Variants in PPP2R3A observed in about 807,000 individuals in gnomAD.
PPP2R3A encodes serine/threonine-protein phosphatase 2A regulatory subunit B'' subunit alpha.
A neutral mutation model predicts 106.9 loss-of-function variants in PPP2R3A; 80 were observed. The ratio of observed to expected loss-of-function variants is 0.75; its 90% confidence interval spans 0.62 to 0.90. The LOEUF is 0.90. Ranked by LOEUF, PPP2R3A falls within the 40% of genes least tolerant of loss-of-function variation. The pLI, the probability that PPP2R3A is intolerant of heterozygous loss-of-function variation, is 0.00. For synonymous variants in PPP2R3A, 483 were observed against 468.3 expected (o/e 1.03, Z -0.41); for missense variants, 1,386 against 1,350.4 (o/e 1.03, Z -0.41).
intron 1 of PPP2R3A, among the ~76,000 whole-genome samples, chr3:135,970,435 T>G (rs1208444501): frequency 6.6e-6 from 1 of 152,228 alleles, no homozygotes; most frequent in Middle Eastern, 3.2e-3. Context: ...TAAACAATAT[T>G]TGGTTTTTGT....
At position 136,081,181 on chromosome 3, in the gene PPP2R3A, C is replaced by T. The variant is rs919218296; in HGVS notation, c.2632-1084C>T. The stretch of plus-strand genomic sequence containing the variant: ...CTAATATTTGTATTTATAGTAGAGA[C>T]GGGGTTTCACCATCTTGGCCAGGCT... On this transcript the variant is annotated intron_variant, in intron 7 of 13. Transcript: ENST00000264977. Among the ~76,000 whole-genome samples, 41 of 151,962 alleles carry T rather than the reference C, an allele frequency of 2.7e-4. No individual in the cohort carries two copies. In the Middle Eastern group the frequency reaches 0.017, roughly 63 times the overall value.
intron 1 of PPP2R3A, among the ~76,000 whole-genome samples, chr3:135,983,106 C>G (rs1937560833): frequency 6.6e-6 from 1 of 152,082 alleles, no homozygotes; most frequent in South Asian, 2.1e-4. Context: ...AAGCCATATC[C>G]AGGGCAGGAG....
intron 10 of PPP2R3A, among the ~76,000 whole-genome samples, chr3:136,091,607 G>A (rs1937096227): frequency 6.6e-6 from 1 of 152,070 alleles, no homozygotes; most frequent in Non-Finnish European, 1.5e-5. Context: ...TAGTGAGCAG[G>A]ACACCAACTC....
At chr3:136,104,573 T>C (rs777370878) in intron 12 of PPP2R3A, among the ~76,000 whole-genome samples, 16 of 152,204 alleles carry the variant, frequency 1.1e-4, no homozygotes, top group Non-Finnish European at 2.4e-4. Context: ...CCCAAAGTGC[T>C]GGGATTACAG....
intron 13 of PPP2R3A, among the ~76,000 whole-genome samples, chr3:136,135,886 AAGTT>A (rs962832622): frequency 1.3e-5 from 2 of 151,334 alleles, no homozygotes; most frequent in Non-Finnish European, 2.9e-5. Flanking sequence ...TCTCTACTAA[AAGTT>A]AGCTGGGCGT....
intron 1 of PPP2R3A, among the ~76,000 whole-genome samples, chr3:135,980,871 T>G (rs67709813): frequency 0.066 from 9,962 of 151,958 alleles, 492 homozygotes; most frequent in Non-Finnish European, 0.1. Context: ...GAGCTGTTCT[T>G]GCATAGCACA....
rs1335957443 is a variant in PPP2R3A at position 136,145,921 on chromosome 3, T to A, written c.*755T>A. The A allele has an allele frequency of 6.6e-6, 1 of 152,250 alleles. No individual in the cohort carries two copies. The highest frequency in any genetic ancestry group is 1.5e-5 in the Non-Finnish European group (1 of 68,032). 9.4% of individuals were successfully genotyped at this position (152,250 alleles called of 1,614,324 possible). A position where few individuals can be genotyped will look rare whatever the true frequency, so the allele number is the denominator to read the frequency against. On this transcript the variant is annotated 3_prime_UTR_variant, in exon 14 of 14. Transcript: ENST00000264977. ...AAGCCCTTTTAACTTTTATCTTTTA[T>A]TCATTGAACTATTGAATGATGTATT...
At chr3:136,009,115 A>G (rs1933954075) in intron 2 of PPP2R3A, among the ~76,000 whole-genome samples, 1 of 152,002 alleles carries the variant, frequency 6.6e-6, no homozygotes, top group South Asian at 2.1e-4. Context: ...CCTATGTCAT[A>G]TCTCTTCTCT....
chr3:136,105,303 A>G (rs1006863483), intron 12 of PPP2R3A, among the ~76,000 whole-genome samples: 1 of 152,166 alleles, frequency 6.6e-6, no homozygotes, highest in Non-Finnish European at 1.5e-5. Flanking sequence ...AGGAGAGGGG[A>G]CCAGAGAAAT....
intron 13 of PPP2R3A, among the ~76,000 whole-genome samples, chr3:136,138,695 ATTTTTTTTTTTTTTTTTT>A (rs747811648): frequency 5.5e-4 from 28 of 50,640 alleles, no homozygotes; most frequent in South Asian, 1.1e-3. Flanking sequence ...GAAATATTGA[ATTTTTTTTTTTTTTTTTT>A]TTTTTTTTTT....
At chr3:136,122,625 C>T (rs183091323) in intron 13 of PPP2R3A, among the ~76,000 whole-genome samples, 47 of 152,234 alleles carry the variant, frequency 3.1e-4, no homozygotes, top group East Asian at 1.2e-3. Context: ...AACACTTCTA[C>T]GTAAACAACA....
chr3:135,997,236 T>A (rs1300496098), intron 1 of PPP2R3A, among the ~76,000 whole-genome samples: 1 of 152,212 alleles, frequency 6.6e-6, no homozygotes, highest in Non-Finnish European at 1.5e-5. Context: ...AAATTGCACG[T>A]GATAAGGATA....
At chr3:135,969,140 A>G (rs1414523046) in intron 1 of PPP2R3A, among the ~76,000 whole-genome samples, 4 of 152,204 alleles carry the variant, frequency 2.6e-5, no homozygotes, top group Non-Finnish European at 4.4e-5. Flanking sequence ...ATATGTGTAT[A>G]TATTTGTAAT....
At chr3:135,995,333 A>C (rs1933342874) in intron 1 of PPP2R3A, among the ~76,000 whole-genome samples, 1 of 152,206 alleles carries the variant, frequency 6.6e-6, no homozygotes, top group Non-Finnish European at 1.5e-5. Flanking sequence ...TAAGATTATA[A>C]AACTCATTAT....
chr3:136,106,597 A>T (rs1937521437), intron 13 of PPP2R3A: 10 of 407,494 alleles, frequency 2.5e-5, no homozygotes, highest in South Asian at 2.3e-4. Flanking sequence ...TGATATTGAT[A>T]AACCCTGTAC....
intron 6 of PPP2R3A, among the ~76,000 whole-genome samples, chr3:136,077,833 A>G (rs1053183310): frequency 1.3e-5 from 2 of 152,196 alleles, no homozygotes; most frequent in South Asian, 2.1e-4. Context: ...TTCATGCCCA[A>G]ATAAAAGTTA....
intron 3 of PPP2R3A, among the ~76,000 whole-genome samples, chr3:136,029,062 A>C (rs903187769): frequency 1.3e-5 from 2 of 152,152 alleles, no homozygotes; most frequent in African/African-American, 2.4e-5. Flanking sequence ...CATGTTGGTC[A>C]GGCTGGTCTC....
chr3:136,017,220 C>G (rs1047934391), intron 2 of PPP2R3A, among the ~76,000 whole-genome samples: 1 of 152,102 alleles, frequency 6.6e-6, no homozygotes. Flanking sequence ...TAAAAGTTAC[C>G]TGATGCTTTT....
At chr3:136,066,914 A>G (rs1009110467) in intron 5 of PPP2R3A, among the ~76,000 whole-genome samples, 1 of 152,194 alleles carries the variant, frequency 6.6e-6, no homozygotes, top group African/African-American at 2.4e-5. Flanking sequence ...CTAAGGAAAA[A>G]AAATTTCTCT....
Sources: allele counts gnomAD v4.1 joint callset (sites outside exome capture counted in the v4.1 genomes callset), GRCh38; gene constraint gnomAD v4.1.1; transcripts MANE v1.5; gene names NCBI Gene and HGNC (gene_info 2026-07-23, HGNC 2026-07-21).